FBLN5: variants seen among roughly 807,000 people sequenced by gnomAD.
FBLN5 encodes fibulin 5, also known as fibulin-5.
FBLN5 carries 24 observed loss-of-function variants against 61.6 expected under a neutral mutation model. The observed-to-expected ratio is 0.39, with a 90% CI of 0.28 to 0.55. FBLN5 has a LOEUF of 0.55. Ranked by LOEUF, FBLN5 falls within the 20% of genes least tolerant of loss-of-function variation. The pLI is 0.65. For missense variants in FBLN5, 470 were observed against 594.1 expected (o/e 0.79, Z 2.17); for synonymous variants, 213 against 219.8 (o/e 0.97, Z 0.27).
chr14:91,900,666 T>C (rs980266722), intron 4 of FBLN5, among the ~76,000 whole-genome samples: 3 of 152,176 alleles, frequency 2.0e-5, no homozygotes, highest in Non-Finnish European at 4.4e-5. Flanking sequence ...ATTTGGTAAC[T>C]AAATAAGGCA....
intron 1 of FBLN5, among the ~76,000 whole-genome samples, chr14:91,945,386 C>A (rs1330784418): frequency 6.6e-6 from 1 of 152,080 alleles, no homozygotes; most frequent in African/African-American, 2.4e-5. Context: ...CCTTGAGAAC[C>A]AGTTGGGGAG....
chr14:91,941,672 G>A (rs887721883), intron 2 of FBLN5, among the ~76,000 whole-genome samples: 1 of 152,138 alleles, frequency 6.6e-6, no homozygotes, highest in African/African-American at 2.4e-5. Flanking sequence ...GGTTGTCAAG[G>A]ACTGGCATAG....
chr14:91,920,704 T>C (rs2055718653), intron 4 of FBLN5, among the ~76,000 whole-genome samples: 6 of 152,092 alleles, frequency 3.9e-5, no homozygotes, highest in Admixed American at 3.9e-4. Flanking sequence ...AGCCTTGTGG[T>C]GGTTTATGCA....
At chr14:91,896,724 G>A (rs1336886794) in intron 4 of FBLN5, among the ~76,000 whole-genome samples, 2 of 152,142 alleles carry the variant, frequency 1.3e-5, no homozygotes, top group Non-Finnish European at 2.9e-5. Flanking sequence ...GATTCAGGGG[G>A]GAGCTGGCAG....
intron 4 of FBLN5, among the ~76,000 whole-genome samples, chr14:91,927,152 C>T (rs1445763795): frequency 1.3e-5 from 2 of 152,208 alleles, no homozygotes; most frequent in Non-Finnish European, 2.9e-5. Context: ...CTGTTGTCGT[C>T]AACATCAAAC....
At chr14:91,945,002 G>A (rs2056161533) in intron 1 of FBLN5, among the ~76,000 whole-genome samples, 3 of 152,178 alleles carry the variant, frequency 2.0e-5, no homozygotes, top group Admixed American at 2.0e-4. Context: ...AGGCCGAGGT[G>A]GGTGGATCAC....
intron 4 of FBLN5, among the ~76,000 whole-genome samples, chr14:91,934,897 C>T (rs745328023): frequency 2.4e-4 from 37 of 152,190 alleles, no homozygotes; most frequent in Non-Finnish European, 4.4e-4. Context: ...CATCCCTTCT[C>T]TTACTTCCCC....
At position 91,914,845 on chromosome 14, in the gene FBLN5, G is replaced by GT. The variant is rs569227268; in HGVS notation, c.380-19774dup. On this transcript the variant is annotated intron_variant, in intron 4 of 10. Coordinates refer to ENST00000342058, the MANE Select transcript of FBLN5 (RefSeq NM_006329.4). ...TTTTTGTTTTGTTTTGTTTTGTTTT[G>GT]TTTTTTGTTTTTTAATTAAAGAATT... Among the ~76,000 whole-genome samples the GT allele has an allele frequency of 4.5e-3, 670 of 148,456 alleles. 9 individuals carry two copies. Among genetic ancestry groups the GT allele is most frequent in the African/African-American group, 0.016 (630 of 40,346 alleles).
intron 4 of FBLN5, among the ~76,000 whole-genome samples, chr14:91,908,813 C>G (rs1033937872): frequency 1.3e-5 from 2 of 152,080 alleles, no homozygotes; most frequent in African/African-American, 4.8e-5. Context: ...TGACCTAGCC[C>G]AATGGTGTAC....
At position 91,881,146 on chromosome 14, in the gene FBLN5, C is replaced by T. The variant is rs2498843; in HGVS notation, c.989+146G>A. On this transcript the variant is annotated intron_variant, in intron 9 of 10. Coordinates refer to ENST00000342058, the MANE Select transcript of FBLN5 (RefSeq NM_006329.4). ...ACACACACACACACACACACACACA[C>T]ACACACACGCATGAGCACATGACGT... is the stretch of plus-strand genomic sequence containing the variant. The T allele has an allele frequency of 0.08, 53,756 of 674,828 alleles. 4,240 individuals carry two copies. The highest frequency in any genetic ancestry group is 0.1 in the South Asian group (6,135 of 60,084). The allele number at this position is 674,828 out of a possible 1,614,324, so 41.8% of individuals were successfully genotyped here.
intron 3 of FBLN5, among the ~76,000 whole-genome samples, chr14:91,937,811 G>T (rs1470613723): frequency 6.6e-6 from 1 of 152,116 alleles, no homozygotes; most frequent in African/African-American, 2.4e-5. Context: ...AAATTACCCA[G>T]TTTTAGGTAT....
intron 4 of FBLN5, among the ~76,000 whole-genome samples, chr14:91,911,565 G>A (rs983301490): frequency 6.6e-6 from 1 of 152,162 alleles, no homozygotes; most frequent in African/African-American, 2.4e-5. Context: ...AATAAAGAAG[G>A]AACTGAAAGT....
chr14:91,902,670 G>A (rs1036802101), intron 4 of FBLN5, among the ~76,000 whole-genome samples: 2 of 152,128 alleles, frequency 1.3e-5, no homozygotes, highest in African/African-American at 4.8e-5. Context: ...ATCCTAACTA[G>A]CTCCCACATG....
chr14:91,945,308 C>G (rs1384888514), intron 1 of FBLN5, among the ~76,000 whole-genome samples: 2 of 152,018 alleles, frequency 1.3e-5, no homozygotes. Flanking sequence ...GCAGTTTATC[C>G]AAGCAACTAC....
At chr14:91,926,611 T>G (rs1351411871) in intron 4 of FBLN5, among the ~76,000 whole-genome samples, 1 of 152,070 alleles carries the variant, frequency 6.6e-6, no homozygotes, top group Non-Finnish European at 1.5e-5. Context: ...TCCCTCTTCT[T>G]CTCCCTCCCC....
intron 4 of FBLN5, among the ~76,000 whole-genome samples, chr14:91,908,714 A>G (rs1421740307): frequency 6.6e-6 from 1 of 152,192 alleles, no homozygotes; most frequent in Non-Finnish European, 1.5e-5. Context: ...AAGTTCTAAA[A>G]CATAGGAGCC....
chr14:91,943,079 G>A lies in FBLN5; in HGVS notation c.18-118C>T, dbSNP rs2056132142. ...TATCACCTTGGGCTTGTATGGGGTG[G>A]GGTGTGCTCCAGGGAGGTCATGGTG... On this transcript the variant is annotated intron_variant, in intron 1 of 10. Coordinates refer to ENST00000342058, the MANE Select transcript of FBLN5 (RefSeq NM_006329.4). The surrounding 1 kb of genome is among the most constrained non-coding windows in gnomAD (Gnocchi z 4.0). The A allele has an allele frequency of 5.3e-6, 4 of 748,134 alleles. No homozygotes were observed. Among genetic ancestry groups the A allele is most frequent in the Non-Finnish European group, 9.6e-6 (4 of 416,764 alleles). 46.3% of individuals were successfully genotyped at this position (748,134 alleles called of 1,614,324 possible). A position where few individuals can be genotyped will look rare whatever the true frequency, so the allele number is the denominator to read the frequency against.
chr14:91,937,862 A>G (rs998210168), intron 3 of FBLN5, among the ~76,000 whole-genome samples: 1 of 152,242 alleles, frequency 6.6e-6, no homozygotes, highest in African/African-American at 2.4e-5. Context: ...ACAAACCTGT[A>G]CTATCATTTG....
intron 10 of FBLN5, among the ~76,000 whole-genome samples, chr14:91,876,706 T>G (rs1030347546): frequency 5.9e-5 from 9 of 152,164 alleles, no homozygotes; most frequent in African/African-American, 2.2e-4. Context: ...CGGATTCTCC[T>G]CTAGAGCCTC....
Sources: allele counts gnomAD v4.1 joint callset (sites outside exome capture counted in the v4.1 genomes callset), GRCh38; gene constraint gnomAD v4.1.1; non-coding constraint Gnocchi (gnomAD v3.1); transcripts MANE v1.5; gene names NCBI Gene and HGNC (gene_info 2026-07-23, HGNC 2026-07-21).